Variants in UBE2E2 observed in about 807,000 individuals in gnomAD.
UBE2E2 encodes the protein ubiquitin-conjugating enzyme E2 E2.
A neutral mutation model predicts 24.7 loss-of-function variants in UBE2E2; 6 were observed. The observed-to-expected ratio is 0.24, with a 90% CI of 0.13 to 0.48. The LOEUF (loss-of-function observed/expected upper bound fraction) is 0.48, where lower values mean the gene tolerates loss of function less well. Ranked by LOEUF, UBE2E2 falls within the 20% of genes least tolerant of loss-of-function variation. The pLI is 0.99. For synonymous variants in UBE2E2, 104 were observed against 83.6 expected (o/e 1.24, Z -1.33); for missense variants, 169 against 245.0 (o/e 0.69, Z 2.07).
intron 3 of UBE2E2, among the ~76,000 whole-genome samples, chr3:23,437,334 A>C (rs773328158): frequency 6.6e-6 from 1 of 152,176 alleles, no homozygotes; most frequent in Non-Finnish European, 1.5e-5. Flanking sequence ...TTCCATGCAT[A>C]GTAGGTCCCA....
chr3:23,316,505 G>A (rs1050518385), intron 3 of UBE2E2, among the ~76,000 whole-genome samples: 2 of 151,894 alleles, frequency 1.3e-5, no homozygotes, highest in South Asian at 2.1e-4. Flanking sequence ...TCCCCCCGTA[G>A]GGCAGTGGTC....
intron 5 of UBE2E2, among the ~76,000 whole-genome samples, chr3:23,569,358 C>G (rs138101872): frequency 1.3e-5 from 2 of 152,216 alleles, no homozygotes; most frequent in East Asian, 3.9e-4. Flanking sequence ...CTAATGGGTA[C>G]AGGGTTTCTT....
At chr3:23,587,212 A>G (rs555868129) in intron 5 of UBE2E2, among the ~76,000 whole-genome samples, 1 of 152,326 alleles carries the variant, frequency 6.6e-6, no homozygotes, top group South Asian at 2.1e-4. Flanking sequence ...TGTTACCAGC[A>G]CTCTAACTTG....
At position 23,254,948 on chromosome 3, in the gene UBE2E2, G is replaced by A. The variant is rs1462486066; in HGVS notation, c.227+37636G>A. ...TCTCATGATATGTTAGTAAGCATAT[G>A]GCCATGTTTAGAAGAAAGTAATGAA... On this transcript the variant is annotated intron_variant, in intron 3 of 5. Transcript: ENST00000396703. Among the ~76,000 whole-genome samples the A allele has an allele frequency of 2.6e-5, 4 of 151,916 alleles. No homozygotes were observed. In the East Asian group the frequency reaches 7.7e-4, roughly 29 times the overall value.
intron 3 of UBE2E2, among the ~76,000 whole-genome samples, chr3:23,350,204 A>T (rs546844293): frequency 1.3e-5 from 2 of 152,354 alleles, no homozygotes; most frequent in South Asian, 2.1e-4. Flanking sequence ...ACTAACAAAC[A>T]GAAGGGACAT....
intron 3 of UBE2E2, among the ~76,000 whole-genome samples, chr3:23,284,778 G>A (rs1156834640): frequency 1.3e-5 from 2 of 151,484 alleles, no homozygotes; most frequent in Non-Finnish European, 2.9e-5. Context: ...AATCACATCA[G>A]AGTAAATGTG....
intron 3 of UBE2E2, among the ~76,000 whole-genome samples, chr3:23,308,795 G>T (rs188778020): frequency 2.1e-4 from 32 of 152,284 alleles, no homozygotes; most frequent in South Asian, 4.1e-4. Context: ...GGAGAATGAT[G>T]GAAGCCGGTA....
chr3:23,274,609 G>A (rs1698335375), intron 3 of UBE2E2, among the ~76,000 whole-genome samples: 1 of 151,888 alleles, frequency 6.6e-6, no homozygotes, highest in African/African-American at 2.4e-5. Context: ...TGATCTTCCT[G>A]CCTCAGAGGC....
Position 23,574,664 on chromosome 3 carries a change from CTA to C in UBE2E2, c.509-15067_509-15066del, listed in dbSNP as rs535062294. Among the ~76,000 whole-genome samples, 1,282 of 152,280 alleles carry C rather than the reference CTA, an allele frequency of 8.4e-3. 17 individuals are homozygous for C. Among genetic ancestry groups the C allele is most frequent in the African/African-American group, 0.028 (1,174 of 41,558 alleles). On this transcript the variant is annotated intron_variant, in intron 5 of 5. Coordinates refer to ENST00000396703, the MANE Select transcript of UBE2E2 (RefSeq NM_152653.4). ...CCAAGGAGTTTGAGGCTATAGTACA[CTA>C]TAATCATGCCTGTGATTAGGCACTG...
intron 4 of UBE2E2, among the ~76,000 whole-genome samples, chr3:23,531,753 T>C (rs1218791164): frequency 2.6e-5 from 4 of 152,202 alleles, no homozygotes; most frequent in South Asian, 2.1e-4. Flanking sequence ...ATAAATGCCT[T>C]AGTTTATGTT....
intron 3 of UBE2E2, among the ~76,000 whole-genome samples, chr3:23,479,730 G>C (rs1008602952): frequency 6.6e-6 from 1 of 152,140 alleles, no homozygotes; most frequent in Non-Finnish European, 1.5e-5. Flanking sequence ...GCTCCTTTTT[G>C]CAGGCAGCTT....
intron 4 of UBE2E2, among the ~76,000 whole-genome samples, chr3:23,505,564 T>C (rs1222095356): frequency 6.6e-6 from 1 of 152,202 alleles, no homozygotes; most frequent in African/African-American, 2.4e-5. Context: ...AGGTGTTTTA[T>C]AAAACAAGAC....
chr3:23,276,433 T>A (rs17012943), intron 3 of UBE2E2, among the ~76,000 whole-genome samples: 4,376 of 152,296 alleles, frequency 0.029, 109 homozygotes, highest in East Asian at 0.13. Context: ...TTAATTTACG[T>A]TAGCATAGAA....
intron 3 of UBE2E2, among the ~76,000 whole-genome samples, chr3:23,218,414 G>A (rs1313308482): frequency 2.6e-5 from 4 of 152,026 alleles, no homozygotes; most frequent in Admixed American, 2.0e-4. Context: ...TTACATCAAA[G>A]CCGTTTCAGA....
At chr3:23,445,467 T>G (rs1698406738) in intron 3 of UBE2E2, among the ~76,000 whole-genome samples, 1 of 152,186 alleles carries the variant, frequency 6.6e-6, no homozygotes, top group Non-Finnish European at 1.5e-5. Context: ...CTCAGGTCAT[T>G]TCTCCCTCCA....
chr3:23,280,223 A>G lies in UBE2E2; in HGVS notation c.227+62911A>G, dbSNP rs1000288409. Among the ~76,000 whole-genome samples, 3 of 152,120 alleles carry G rather than the reference A, an allele frequency of 2.0e-5. No homozygotes were observed. Among genetic ancestry groups the G allele is most frequent in the Non-Finnish European group, 4.4e-5 (3 of 68,014 alleles). On this transcript the variant is annotated intron_variant, in intron 3 of 5. Transcript: ENST00000396703. This position sits in a 1 kb window ranked among gnomAD's most constrained non-coding sequence, Gnocchi z 4.3. ...AAAGATAACTAACCTATAATAACCT[A>G]TTTTGGGGAAGTGTTTTTATTAACC...
chr3:23,452,151 G>T (rs1006966359), intron 3 of UBE2E2, among the ~76,000 whole-genome samples: 2 of 152,176 alleles, frequency 1.3e-5, no homozygotes, highest in African/African-American at 2.4e-5. Flanking sequence ...AATTGTTGCA[G>T]CTGGAATATG....
At chr3:23,344,701 A>AAT (rs145167911) in intron 3 of UBE2E2, among the ~76,000 whole-genome samples, 4,448 of 151,376 alleles carry the variant, frequency 0.029, 105 homozygotes, top group East Asian at 0.13. Context: ...CAAAAAAAAT[A>AAT]ATATATATAT....
intron 3 of UBE2E2, among the ~76,000 whole-genome samples, chr3:23,437,400 A>G (rs1410334670): frequency 1.3e-5 from 2 of 152,192 alleles, no homozygotes; most frequent in African/African-American, 4.8e-5. Context: ...TCTCTGTGCC[A>G]CAGTTTGCTA....
Sources: gnomAD v4.1 joint callset for allele counts (sites outside exome capture counted in the v4.1 genomes callset) on GRCh38, gnomAD v4.1.1 for gene constraint, Gnocchi (gnomAD v3.1) non-coding constraint, MANE v1.5 for transcripts, NCBI Gene and HGNC (gene_info 2026-07-23, HGNC 2026-07-21) for gene names.